Variants in CNTN6 observed in about 807,000 individuals in gnomAD.
The protein encoded by CNTN6 is contactin 6.
Under a neutral mutation model 122.8 loss-of-function variants are expected in CNTN6, and 137 were observed. The observed-to-expected ratio is 1.12, with a 90% confidence interval of 0.97 to 1.29. CNTN6 has a LOEUF of 1.29. CNTN6 is among the 50% of genes most tolerant of loss of function. The probability of loss-of-function intolerance (pLI) is 0.00; values close to 1 mark genes in which losing one functional copy is unlikely to be tolerated. For synonymous variants in CNTN6, 570 were observed against 426.0 expected, an observed-to-expected ratio of 1.34 and a Z score of -4.16; for missense variants, 1,634 against 1,223.4, an observed-to-expected ratio of 1.34 and a Z score of -5.01.
At chr3:1,202,326 CT>C (rs1214775540) in intron 2 of CNTN6, among the ~76,000 whole-genome samples, 2 of 151,944 alleles carry the variant, frequency 1.3e-5, no homozygotes, top group Admixed American at 1.3e-4. Context: ...GGATCACGAG[CT>C]CAGGATATCA....
chr3:1,158,527 T>C (rs753835924), intron 2 of CNTN6, among the ~76,000 whole-genome samples: 1 of 151,920 alleles, frequency 6.6e-6, no homozygotes, highest in Non-Finnish European at 1.5e-5. Flanking sequence ...TATAGAAGCT[T>C]TTAAACTTGA....
At chr3:1,297,017 A>G (rs1394669199) in intron 6 of CNTN6, among the ~76,000 whole-genome samples, 1 of 152,152 alleles carries the variant, frequency 6.6e-6, no homozygotes, top group African/African-American at 2.4e-5. Flanking sequence ...CAGGTAGGAA[A>G]TATCAGATGT....
At chr3:1,393,199 C>G in intron 20 of CNTN6, among the ~76,000 whole-genome samples, 1 of 97,846 alleles carries the variant, frequency 1.0e-5, no homozygotes, top group Non-Finnish European at 2.1e-5. Context: ...AAATATGGCA[C>G]ATATACACCA....
At chr3:1,265,526 A>G (rs1051774145) in intron 4 of CNTN6, among the ~76,000 whole-genome samples, 2 of 152,236 alleles carry the variant, frequency 1.3e-5, no homozygotes, top group Non-Finnish European at 2.9e-5. Flanking sequence ...ACACATGTCT[A>G]TAGATTTTTG....
chr3:1,374,929 G>C (rs938129761), intron 16 of CNTN6, among the ~76,000 whole-genome samples: 1 of 152,014 alleles, frequency 6.6e-6, no homozygotes, highest in Non-Finnish European at 1.5e-5. Context: ...ATTAAATCAC[G>C]CTAGAAGCTT....
chr3:1,229,742 G>C (rs2094330438), intron 4 of CNTN6, among the ~76,000 whole-genome samples: 1 of 152,034 alleles, frequency 6.6e-6, no homozygotes, highest in African/African-American at 2.4e-5. Flanking sequence ...CTTTCATCTG[G>C]CTAAATGGGA....
intron 2 of CNTN6, among the ~76,000 whole-genome samples, chr3:1,153,213 G>T (rs1186402831): frequency 6.6e-6 from 1 of 152,154 alleles, no homozygotes; most frequent in Non-Finnish European, 1.5e-5. Context: ...GTTTTATCAT[G>T]AAGAAGTGCA....
At chr3:1,331,328 T>C (rs1702255876) in intron 11 of CNTN6, among the ~76,000 whole-genome samples, 1 of 152,030 alleles carries the variant, frequency 6.6e-6, no homozygotes, top group Non-Finnish European at 1.5e-5. Context: ...ACTTAATAAA[T>C]ATCTGTGGAA....
intron 3 of CNTN6, among the ~76,000 whole-genome samples, chr3:1,224,769 A>G (rs1232808567): frequency 2.0e-5 from 3 of 152,088 alleles, no homozygotes; most frequent in Non-Finnish European, 2.9e-5. Flanking sequence ...TGTTTTTGAG[A>G]CAGTCTTGCT....
chr3:1,109,544 C>T (rs1295360913), intron 1 of CNTN6, among the ~76,000 whole-genome samples: 2 of 151,892 alleles, frequency 1.3e-5, no homozygotes, highest in African/African-American at 2.4e-5. Flanking sequence ...CCAGTAGCTC[C>T]TCTATTACTT....
intron 1 of CNTN6, among the ~76,000 whole-genome samples, chr3:1,105,027 A>G (rs556125521): frequency 1.3e-5 from 2 of 152,248 alleles, no homozygotes; most frequent in South Asian, 4.1e-4. Flanking sequence ...TATTTCTTAA[A>G]AACAAATTCC....
chr3:1,173,407 A>G (rs2093396056), intron 2 of CNTN6: 1 of 388,634 alleles, frequency 2.6e-6, no homozygotes, highest in Admixed American at 3.2e-5. Flanking sequence ...TACGTGAATT[A>G]TTTCATTTAA....
At chr3:1,171,190 A>G (rs1022657077) in intron 2 of CNTN6, among the ~76,000 whole-genome samples, 5 of 152,164 alleles carry the variant, frequency 3.3e-5, no homozygotes, top group African/African-American at 4.8e-5. Flanking sequence ...TAAATATTCA[A>G]TGTTAAAATG....
rs193094501 is a variant in CNTN6, at chr3:1,345,352, G to C, written c.1365-6972G>C. 4.7e-3 allele frequency among the ~76,000 whole-genome samples: 712 copies of C among 152,164 alleles called. 5 individuals carry two copies. The highest frequency in any genetic ancestry group is 0.016 in the African/African-American group (661 of 41,512). On this transcript the variant is annotated intron_variant, in intron 11 of 22. Coordinates refer to ENST00000446702, the MANE Select transcript of CNTN6 (RefSeq NM_001289080.2). The stretch of plus-strand genomic sequence containing the variant: ...TCTGGTCTCGAACTCCTGACCTCAA[G>C]TGATTCACCCACCCTGGCCTCCCAG...
At chr3:1,391,563 G>A (rs1300097178) in intron 20 of CNTN6, among the ~76,000 whole-genome samples, 2 of 144,032 alleles carry the variant, frequency 1.4e-5, no homozygotes, top group Non-Finnish European at 3.0e-5. Flanking sequence ...AGGGCAATTA[G>A]GCAGGAGAAG....
chr3:1,320,430 C>T (rs992603989), intron 7 of CNTN6, among the ~76,000 whole-genome samples: 1 of 151,710 alleles, frequency 6.6e-6, no homozygotes, highest in African/African-American at 2.4e-5. Context: ...TCCCAACTTT[C>T]TGCAGTTGTT....
chr3:1,331,164 C>G (rs772832546), intron 11 of CNTN6, among the ~76,000 whole-genome samples: 1 of 151,962 alleles, frequency 6.6e-6, no homozygotes, highest in Non-Finnish European at 1.5e-5. Flanking sequence ...ATTCCATTTA[C>G]ACAATGAAGT....
In CNTN6 at chr3:1,321,708, A is replaced by G. The variant is rs540929525; in HGVS notation, c.820A>G (p.Lys274Glu). 6.2e-7 allele frequency: 1 copy of G among 1,611,814 alleles called. No homozygotes were observed. Among genetic ancestry groups the G allele is most frequent in the South Asian group, 1.1e-5 (1 of 91,016 alleles). Residue 274 changes from lysine to glutamate, a missense_variant, in exon 8 of 23, where the codon AAG (lysine) becomes GAG (glutamate). Coordinates refer to ENST00000446702, the MANE Select transcript of CNTN6 (RefSeq NM_001289080.2). The stretch of plus-strand genomic sequence containing the variant: ...CGGGAGCCCGTTGCCAGGGAAAGTC[A>G]AGTACAGCAAATCCCAAGCTATCCT... ...LDGSPLPGKV[K>E]YSKSQAILEI...
intron 12 of CNTN6, among the ~76,000 whole-genome samples, chr3:1,360,953 A>T (rs181373523): frequency 1.4e-3 from 215 of 152,068 alleles, no homozygotes; most frequent in Non-Finnish European, 2.5e-3. Context: ...CCCATATTCA[A>T]TTGCCCCAAA....
Sources: gnomAD v4.1 joint callset for allele counts (sites outside exome capture counted in the v4.1 genomes callset) on GRCh38, gnomAD v4.1.1 for gene constraint, MANE v1.5 for transcripts, NCBI Gene and HGNC (gene_info 2026-07-23, HGNC 2026-07-21) for gene names.